The following IL9 variants were observed in gnomAD, a reference collection of about 807,000 sequenced individuals.
The protein encoded by IL9 is interleukin 9, also known as interleukin-9.
In IL9, 16 loss-of-function variants were observed where a neutral mutation model predicts 12.9. The observed-to-expected ratio is 1.24, with a 90% CI of 0.84 to 1.88. IL9 has a LOEUF of 1.88. Among genes scored for constraint, IL9 ranks in the 40% most tolerant of loss-of-function variants. The pLI, the probability that IL9 is intolerant of heterozygous loss-of-function variation, is 0.00. For synonymous variants in IL9, 69 were observed against 63.8 expected (o/e 1.08, Z -0.39); for missense variants, 170 against 173.1 (o/e 0.98, Z 0.10).
chr5:135,895,654 T>A lies in IL9; in HGVS notation c.114+49A>T, dbSNP rs762635010. The A allele has an allele frequency of 4.4e-6, 7 of 1,607,094 alleles. No homozygotes were observed. In the Admixed American group the frequency reaches 6.7e-5, roughly 15 times the overall value. ...CGAGTTTTTTCATCCTCATACATAT[T>A]TCACTTTGTCAGTAGCTGTCTTTCC... On this transcript the variant is annotated intron_variant, in intron 1 of 4. Coordinates refer to ENST00000274520, the MANE Select transcript of IL9 (RefSeq NM_000590.2).
At chr5:135,894,537 A>G (rs184659809) in intron 3 of IL9, among the ~76,000 whole-genome samples, 1 of 152,348 alleles carries the variant, frequency 6.6e-6, no homozygotes, top group Admixed American at 6.5e-5. Flanking sequence ...TGCAGCTGGT[A>G]TTTCAGCAGC....
chr5:135,895,046 A>G (rs1475078308), intron 3 of IL9, among the ~76,000 whole-genome samples: 1 of 151,938 alleles, frequency 6.6e-6, no homozygotes, highest in Non-Finnish European at 1.5e-5. Flanking sequence ...TTGTTTCACA[A>G]CTCTAGAGTT....
intron 4 of IL9, among the ~76,000 whole-genome samples, chr5:135,893,495 C>A (rs1200646282): frequency 1.3e-5 from 2 of 152,090 alleles, no homozygotes; most frequent in East Asian, 3.9e-4. Flanking sequence ...ACCTGTAATG[C>A]CAGCTACTCG....
intron 3 of IL9, among the ~76,000 whole-genome samples, chr5:135,894,768 C>A (rs2126855631): frequency 6.6e-6 from 1 of 152,322 alleles, no homozygotes; most frequent in Admixed American, 6.5e-5. Context: ...CCTCCTCACC[C>A]TAACCAGGAG....
Position 135,894,087 on chromosome 5 carries a change from G to T in IL9, c.248C>A (p.Thr83Lys), listed in dbSNP as rs1027522060. Residue 83 changes from threonine to lysine, a missense_variant, in exon 4 of 5, where the codon ACA (threonine) becomes AAA (lysine). By Grantham distance (78) the Thr-to-Lys change is moderately conservative (BLOSUM62 -1). Coordinates refer to ENST00000274520, the MANE Select transcript of IL9 (RefSeq NM_000590.2). The stretch of plus-strand genomic sequence containing the variant: ...CCGACTGAAAATCAGTGGGTATCTT[G>T]TTTGCATGGTGGTATTGGTCATCTG... ...LSQMTNTTMQ[T>K]RYPLIFSRVK... The T allele has an allele frequency of 5.0e-6, 8 of 1,613,248 alleles. No individual in the cohort carries two copies. The highest frequency in any genetic ancestry group is 6.8e-6 in the Non-Finnish European group (8 of 1,179,494).
intron 3 of IL9, 145 bp downstream of exon 3, chr5:135,895,295 G>A (rs956425081): frequency 3.8e-5 from 24 of 634,074 alleles, no homozygotes; most frequent in Middle Eastern, 4.2e-4. Context: ...TTGTAACAAT[G>A]TGGTTTTAAC....
intron 3 of IL9, among the ~76,000 whole-genome samples, chr5:135,894,368 G>A (rs1255177001): frequency 6.6e-6 from 1 of 152,164 alleles, no homozygotes; most frequent in African/African-American, 2.4e-5. Context: ...GAGACTTCCT[G>A]TATGTTACAT....
rs927388618 is a variant in IL9 at position 135,893,920 on chromosome 5, A to T, written c.315+100T>A. 10 of 987,858 alleles carry T rather than the reference A, an allele frequency of 1.0e-5. No individual in the cohort carries two copies. In the African/African-American group the frequency reaches 1.6e-4, roughly 16 times the overall value. 61.2% of individuals were successfully genotyped at this position (987,858 alleles called of 1,614,324 possible). ...TGTCTTTTATCAACCTTGAACTACC[A>T]ATTCCAACTTTATCATCCTTTTGTG... is the stretch of plus-strand genomic sequence containing the variant. On this transcript the variant is annotated intron_variant, in intron 4 of 4. Coordinates refer to ENST00000274520, the MANE Select transcript of IL9 (RefSeq NM_000590.2).
In IL9 at chr5:135,892,492, G is replaced by C. The variant is rs967577228; in HGVS notation, c.334C>G (p.Pro112Ala). Residue 112 changes from proline to alanine, a missense_variant, in exon 5 of 5, where the codon CCA becomes GCA. By Grantham distance (27) the Pro-to-Ala change is conservative. Transcript: ENST00000274520. ...TTGCCTGCCGTGGTTTGGTTGCATG[G>C]CTGTTCACAGGAAAAATACTGTGGG... is the stretch of plus-strand genomic sequence containing the variant. ...NKCPYFSCEQPCNQTTAGNAL... is the reference protein window; with the variant it reads ...NKCPYFSCEQACNQTTAGNAL... 6.2e-7 allele frequency: 1 copy of C among 1,612,512 alleles called. No individual in the cohort carries two copies. Among genetic ancestry groups the C allele is most frequent in the African/African-American group, 1.3e-5 (1 of 74,760 alleles).
chr5:135,893,332 C>A (rs1192056578), intron 4 of IL9, among the ~76,000 whole-genome samples: 1 of 152,136 alleles, frequency 6.6e-6, no homozygotes, highest in Non-Finnish European at 1.5e-5. Flanking sequence ...TTAATGCAGG[C>A]CAGGCATGGT....
intron 4 of IL9, among the ~76,000 whole-genome samples, chr5:135,892,767 CA>C (rs1350550222): frequency 3.5e-5 from 5 of 140,862 alleles, no homozygotes; most frequent in African/African-American, 1.3e-4. Flanking sequence ...CACACACACA[CA>C]CACACACACA....
intron 2 of IL9, 30 bp from the exon 3 acceptor site, chr5:135,895,502 C>T: frequency 6.2e-7 from 1 of 1,613,806 alleles, no homozygotes; most frequent in Non-Finnish European, 8.5e-7. Context: ...GTGAAGATTC[C>T]AGATGTGAAA....
chr5:135,892,600 G>C, intron 4 of IL9, 90 bp from the exon 5 acceptor site: 1 of 1,430,584 alleles, frequency 7.0e-7, no homozygotes, highest in Non-Finnish European at 9.5e-7. Context: ...AGCCAGAGTC[G>C]GTGGTGAGGA....
intron 1 of IL9, 26 bp downstream of exon 1, chr5:135,895,677 T>G (rs1222914282): frequency 1.2e-6 from 2 of 1,605,876 alleles, no homozygotes; most frequent in East Asian, 2.2e-5. Context: ...TAGCTGTCTT[T>G]CCCATGGGCT....
chr5:135,894,231 A>G (rs891076021), intron 3 of IL9, 80 bp from the exon 4 acceptor site: 1 of 1,354,864 alleles, frequency 7.4e-7, no homozygotes, highest in Non-Finnish European at 1.0e-6. Context: ...AATATAATAG[A>G]GATGATTTTT....
At position 135,892,327 on chromosome 5, in the gene IL9, A is replaced by G. The variant is rs1762878266; in HGVS notation, c.*64T>C. On this transcript the variant is annotated 3_prime_UTR_variant, in exon 5 of 5. Coordinates refer to ENST00000274520, the MANE Select transcript of IL9 (RefSeq NM_000590.2). ...TTTAGAGTAGCTTACTTGATTTTTA[A>G]ATTGTAGCAACTTAAAGAGAAAGCT... 7.8e-7 allele frequency: 1 copy of G among 1,283,534 alleles called. No homozygotes were observed. Among genetic ancestry groups the G allele is most frequent in the African/African-American group, 1.5e-5 (1 of 66,146 alleles). 79.5% of individuals were successfully genotyped at this position (1,283,534 alleles called of 1,614,324 possible). A position where few individuals can be genotyped will look rare whatever the true frequency, so the allele number is the denominator to read the frequency against.
At chr5:135,894,824 G>A (rs1859430) in intron 3 of IL9, among the ~76,000 whole-genome samples, 30,097 of 152,118 alleles carry the variant, frequency 0.2, 3,162 homozygotes, top group African/African-American at 0.26. Context: ...CCTTCCTGCC[G>A]TAGTGGGCAG....
intron 3 of IL9, among the ~76,000 whole-genome samples, chr5:135,894,416 G>T (rs1450737319): frequency 1.3e-5 from 2 of 152,162 alleles, no homozygotes; most frequent in Non-Finnish European, 2.9e-5. Context: ...GAAATAGTCG[G>T]CTCTGAATGT....
At position 135,895,430 on chromosome 5, in the gene IL9, C is replaced by G. The variant is rs774545436; in HGVS notation, c.183+10G>C. 2.5e-6 allele frequency: 4 copies of G among 1,610,068 alleles called. No individual in the cohort carries two copies. In the South Asian group the frequency reaches 4.4e-5, roughly 18 times the overall value. On this transcript the variant is annotated intron_variant, in intron 3 of 4. Coordinates refer to ENST00000274520, the MANE Select transcript of IL9 (RefSeq NM_000590.2). ...CCAAGGTCAACATTATGTTATTTCA[C>G]TATACTTACAGAGGGAATGCCCAAA...
Sources: gnomAD v4.1 joint callset for allele counts (sites outside exome capture counted in the v4.1 genomes callset) on GRCh38, gnomAD v4.1.1 for gene constraint, MANE v1.5 for transcripts, NCBI Gene and HGNC (gene_info 2026-07-23, HGNC 2026-07-21) for gene names.